Variants in CSF1R observed in about 807,000 individuals in gnomAD.
The protein encoded by CSF1R is colony stimulating factor 1 receptor, also known as macrophage colony-stimulating factor 1 receptor.
CSF1R carries 40 observed loss-of-function variants against 110.0 expected under a neutral mutation model. The ratio of observed to expected loss-of-function variants is 0.36; its 90% confidence interval spans 0.28 to 0.47. CSF1R has a LOEUF of 0.47. Ranked by LOEUF, CSF1R falls within the 20% of genes least tolerant of loss-of-function variation. The pLI is 0.99. For synonymous variants in CSF1R, 523 were observed against 503.4 expected, an observed-to-expected ratio of 1.04 and a Z score of -0.52; for missense variants, 1,052 against 1,253.0, an observed-to-expected ratio of 0.84 and a Z score of 2.42.
chr5:150,070,641 A>T, intron 6 of CSF1R, 70 bp from the exon 7 acceptor site: 1 of 1,133,990 alleles, frequency 8.8e-7, no homozygotes, highest in South Asian at 1.8e-5. Context: ...TTGCAGTCAG[A>T]TAACAGCCTT....
chr5:150,085,456 A>G (rs1194551360), intron 1 of CSF1R, among the ~76,000 whole-genome samples: 1 of 151,820 alleles, frequency 6.6e-6, no homozygotes, highest in Non-Finnish European at 1.5e-5. Flanking sequence ...TCCTCCCCCA[A>G]GGTCCCTTTG....
At chr5:150,079,833 C>T (rs2113830092) in intron 3 of CSF1R, among the ~76,000 whole-genome samples, 1 of 152,312 alleles carries the variant, frequency 6.6e-6, no homozygotes, top group Admixed American at 6.5e-5. Flanking sequence ...ATGACCTTGC[C>T]CACTGAGTTA....
At chr5:150,067,400 C>A (rs1757820678) in intron 10 of CSF1R, among the ~76,000 whole-genome samples, 1 of 152,226 alleles carries the variant, frequency 6.6e-6, no homozygotes, top group Non-Finnish European at 1.5e-5. Flanking sequence ...ACAAGGGCAA[C>A]TGTCCCAACC....
In CSF1R at chr5:150,070,449, C is replaced by A. The variant is rs2113809850; in HGVS notation, c.1198+7G>T. 1 of 1,554,580 alleles carries A rather than the reference C, an allele frequency of 6.4e-7. No homozygotes were observed. Among genetic ancestry groups the A allele is most frequent in the Non-Finnish European group, 8.7e-7 (1 of 1,150,710 alleles). ...CGCCCCAGGTGGCGCTCGGCCCCAGCACTCACATCGAAGGGTGAGCTCAAA... is the reference window on the plus strand; with the variant it reads ...CGCCCCAGGTGGCGCTCGGCCCCAGAACTCACATCGAAGGGTGAGCTCAAA... On this transcript the variant is annotated splice_region_variant and intron_variant, in intron 7 of 20. Coordinates refer to ENST00000675795, the MANE Select transcript of CSF1R (RefSeq NM_001288705.3).
chr5:150,091,852 C>CA (rs57967086), intron 1 of CSF1R, among the ~76,000 whole-genome samples: 2,331 of 71,180 alleles, frequency 0.033, 138 homozygotes, highest in African/African-American at 0.048. Flanking sequence ...CCCATACTAC[C>CA]AAAAAAAAAA....
Position 150,054,349 on chromosome 5 carries a change from C to G in CSF1R, c.2736G>C (p.Glu912Asp), listed in dbSNP as rs201061537. Reference sequence around the variant, plus strand: ...GCTCTCTCCTGTCCTCTTGGGCCTGCTCCTGAAGGAAGGAGCAGATCTGCT... The same window carrying G: ...GCTCTCTCCTGTCCTCTTGGGCCTGGTCCTGAAGGAAGGAGCAGATCTGCT... ...TFQQICSFLQ[E>D]QAQEDRRERD... Residue 912 changes from glutamate (E) to aspartate (D), a missense_variant, in exon 20 of 21, where the codon GAG becomes GAC. By Grantham distance (45) the Glu-to-Asp change is conservative. Around this residue, in one of 5 missense-constraint regions of CSF1R, gnomAD observed 85 missense variants for 78.8 expected, o/e 1.08. Coordinates refer to ENST00000675795, the MANE Select transcript of CSF1R (RefSeq NM_001288705.3). The G allele has an allele frequency of 6.2e-7, 1 of 1,614,140 alleles. No individual in the cohort carries two copies. Among genetic ancestry groups the G allele is most frequent in the African/African-American group, 1.3e-5 (1 of 75,040 alleles).
intron 10 of CSF1R, among the ~76,000 whole-genome samples, chr5:150,064,048 G>A (rs976817415): frequency 8.5e-5 from 13 of 152,150 alleles, no homozygotes; most frequent in African/African-American, 1.7e-4. Context: ...AATTAACACC[G>A]AAACAGAAAA....
rs756076440 is a variant in CSF1R, at chr5:150,080,854, C to A, written c.220G>T (p.Ala74Ser). 1 of 1,614,092 alleles carries A rather than the reference C, an allele frequency of 6.2e-7. No homozygotes were observed. The highest frequency in any genetic ancestry group is 8.5e-7 in the Non-Finnish European group (1 of 1,180,020). ...TAGGTCCCCGTGTTTTGGAAGGTAG[C>A]GTTGTTGGTGCTGAGGATGCTGCTG... ...GSSSILSTNN[A>S]TFQNTGTYRC... The change falls in exon 2 of 21, where the codon GCT becomes TCT. Residue 74 changes from alanine (A) to serine (S), a missense_variant. Physicochemically the swap from Ala to Ser is moderately conservative, Grantham distance 99 (BLOSUM62 1). Coordinates refer to ENST00000675795, the MANE Select transcript of CSF1R (RefSeq NM_001288705.3).
rs1213727984 is a variant in CSF1R at position 150,057,376 on chromosome 5, T to C, written c.2230A>G (p.Lys744Glu). The C allele has an allele frequency of 1.2e-6, 2 of 1,613,894 alleles. No individual in the cohort carries two copies. Among genetic ancestry groups the C allele is most frequent in the Admixed American group, 1.7e-5 (1 of 59,996 alleles). The change falls in exon 16 of 21, where the codon AAG (lysine) becomes GAG (glutamate). Residue 744 changes from lysine to glutamate, a missense_variant. Lys to Glu is a moderately conservative substitution (Grantham distance 56). Transcript: ENST00000675795. ...AGCTCCAGGGGCCGTCCATCCTCCT[T>C]GTCCAGGTCTAGGGTGGGAAGAGGC... ...NDSFSEQDLD[K>E]EDGRPLELRD...
chr5:150,067,464 A>T (rs890469920), intron 10 of CSF1R, among the ~76,000 whole-genome samples: 18 of 152,236 alleles, frequency 1.2e-4, no homozygotes, highest in African/African-American at 4.3e-4. Flanking sequence ...AGCTGCATAC[A>T]GTGGTTGCTG....
At chr5:150,081,366 T>A (rs372004419) in intron 1 of CSF1R, among the ~76,000 whole-genome samples, 1 of 152,202 alleles carries the variant, frequency 6.6e-6, no homozygotes, top group East Asian at 1.9e-4. Flanking sequence ...GAATGGACTC[T>A]TTTAACCCTG....
rs991018210 is a variant in CSF1R, at chr5:150,095,138, A to T, written c.-180-8531T>A. 3.1e-4 allele frequency: 235 copies of T among 748,342 alleles called. 1 individual carries two copies. The highest frequency in any genetic ancestry group is 1.5e-3 in the South Asian group (78 of 53,448). 46.4% of individuals were successfully genotyped at this position (748,342 alleles called of 1,614,324 possible). Reference sequence around the variant, plus strand: ...AAAAAAAAAAAAAAAAAAAAAGAACAGAGCTTCAAACTACATGAAACAAAA... The same window carrying T: ...AAAAAAAAAAAAAAAAAAAAAGAACTGAGCTTCAAACTACATGAAACAAAA... On this transcript the variant is annotated intron_variant, in intron 1 of 21. Coordinates refer to the CSF1R transcript ENST00000286301.
chr5:150,092,819 C>T (rs1005230721), intron 1 of CSF1R, among the ~76,000 whole-genome samples: 1 of 152,082 alleles, frequency 6.6e-6, no homozygotes, highest in Non-Finnish European at 1.5e-5. Context: ...ACCTACATAC[C>T]TATGATAAAG....
upstream of CSF1R, among the ~76,000 whole-genome samples, chr5:150,089,682 A>T (rs1375293938): frequency 6.6e-6 from 1 of 152,230 alleles, no homozygotes; most frequent in Non-Finnish European, 1.5e-5. Context: ...TTTTCTGCAG[A>T]AATGGAAAAG....
Position 150,092,618 on chromosome 5 carries a change from A to G in CSF1R, c.-180-6011T>C, listed in dbSNP as rs370080809. 4.3e-4 allele frequency among the ~76,000 whole-genome samples: 66 copies of G among 152,326 alleles called. No individual in the cohort carries two copies. In the South Asian group the frequency reaches 0.012, roughly 28 times the overall value. The stretch of plus-strand genomic sequence containing the variant: ...AATCACATCCAACATGATGGCAGGC[A>G]AAAGAGTATATGCAGGGGAACTCCC... On this transcript the variant is annotated intron_variant, in intron 1 of 21. Coordinates refer to the CSF1R transcript ENST00000286301.
chr5:150,084,369 A>C (rs1257847888), intron 1 of CSF1R, among the ~76,000 whole-genome samples: 1 of 44,452 alleles, frequency 2.2e-5, no homozygotes, highest in Non-Finnish European at 4.3e-5. Context: ...GAAAGAAAGA[A>C]AGAAAGAAAG....
chr5:150,086,726 T>C (rs41502344), upstream of CSF1R: 11,398 of 377,334 alleles, frequency 0.03, 924 homozygotes, highest in African/African-American at 0.19. Flanking sequence ...TGGGGGGAGC[T>C]AGCTAAGTTT....
At chr5:150,084,390 AGAAGGAAGGAAGGAAGGAAGGAAG>A (rs796350408) in intron 1 of CSF1R, among the ~76,000 whole-genome samples, 8 of 44,392 alleles carry the variant, frequency 1.8e-4, no homozygotes, top group Admixed American at 4.2e-4. Context: ...AAAGAAAGAA[AGAAGGAAGGAAGGAAGGAAGGAAG>A]GAAGGAAGGA....
In CSF1R at chr5:150,069,906, T is replaced by A. The variant is rs1757957941; in HGVS notation, c.1477A>T (p.Ser493Cys). The A allele has an allele frequency of 6.2e-7, 1 of 1,613,612 alleles. No individual in the cohort carries two copies. The highest frequency in any genetic ancestry group is 8.5e-7 in the Non-Finnish European group (1 of 1,179,780). The change falls in exon 9 of 21, where the codon AGT (serine) becomes TGT (cysteine). Residue 493 changes from serine (S) to cysteine (C), a missense_variant. Around this residue, in one of 5 missense-constraint regions of CSF1R, gnomAD observed 693 missense variants for 735.4 expected, o/e 0.94. Transcript: ENST00000675795. ...ATGGGTATGAAGGCCCAGGAGCCAC[T>A]CCCCACGCTGTTGTGGGCCCTGCAC... ...YECRAHNSVG[S>C]GSWAFIPISA...
Sources: gnomAD v4.1 joint callset for allele counts (sites outside exome capture counted in the v4.1 genomes callset) on GRCh38, gnomAD v4.1.1 for gene constraint, gnomAD v4.1.1 regional missense constraint, MANE v1.5 for transcripts, NCBI Gene and HGNC (gene_info 2026-07-23, HGNC 2026-07-21) for gene names.